The following EGFLAM variants were observed in gnomAD, a reference collection of about 807,000 sequenced individuals.
The protein encoded by EGFLAM is EGF like, fibronectin type III and laminin G domains, also known as pikachurin.
A neutral mutation model predicts 113.1 loss-of-function variants in EGFLAM; 79 were observed. The ratio of observed to expected loss-of-function variants is 0.70; its 90% CI spans 0.58 to 0.84. The LOEUF (loss-of-function observed/expected upper bound fraction) is 0.84, where lower values mean the gene tolerates loss of function less well. Ranked by LOEUF, EGFLAM falls within the 40% of genes least tolerant of loss-of-function variation. EGFLAM has a pLI of 0.00. For missense variants in EGFLAM, 1,265 were observed against 1,291.6 expected (o/e 0.98, Z 0.32); for synonymous variants, 504 against 487.6 (o/e 1.03, Z -0.44).
chr5:38,443,615 G>A (rs1742616981), intron 17 of EGFLAM, among the ~76,000 whole-genome samples: 1 of 152,190 alleles, frequency 6.6e-6, no homozygotes, highest in Non-Finnish European at 1.5e-5. Flanking sequence ...GCTGCTCATT[G>A]TGGGAAGTGT....
At chr5:38,446,727 G>A (rs1444941880) in intron 17 of EGFLAM, among the ~76,000 whole-genome samples, 1 of 152,120 alleles carries the variant, frequency 6.6e-6, no homozygotes, top group Non-Finnish European at 1.5e-5. Context: ...TTCGTCCTTT[G>A]CTTTTCTTGT....
At chr5:38,445,629 A>T in intron 17 of EGFLAM, 1 of 1,598,428 alleles carries the variant, frequency 6.3e-7, no homozygotes, top group Non-Finnish European at 8.5e-7. Flanking sequence ...TTTGACAAGG[A>T]CTGTGAAAGG....
At chr5:38,307,574 A>G (rs543461742) in intron 1 of EGFLAM, among the ~76,000 whole-genome samples, 56 of 152,268 alleles carry the variant, frequency 3.7e-4, no homozygotes, top group African/African-American at 1.3e-3. Context: ...TTTATAAATT[A>G]CCCAGTCTCA....
intron 1 of EGFLAM, among the ~76,000 whole-genome samples, chr5:38,313,805 T>G (rs1738518371): frequency 6.6e-6 from 1 of 152,198 alleles, no homozygotes; most frequent in South Asian, 2.1e-4. Flanking sequence ...ATTTTACCTT[T>G]TCTAATAACT....
At position 38,333,916 on chromosome 5, in the gene EGFLAM, G is replaced by GTTTTTTTT. The variant is rs70978880; in HGVS notation, c.98-3587_98-3580dup. ...TGTCTGTTTATTTTTATTGTTGAGGGTTTTTTTTTTTTTTTTTTTTTTTTG... is the reference window on the plus strand; with the variant it reads ...TGTCTGTTTATTTTTATTGTTGAGGGTTTTTTTTTTTTTTTTTTTTTTTTTTTTTTTTG... On this transcript the variant is annotated intron_variant, in intron 1 of 21. Coordinates refer to ENST00000322350, the MANE Select transcript of EGFLAM (RefSeq NM_152403.4). Among the ~76,000 whole-genome samples the GTTTTTTTT allele has an allele frequency of 1.3e-3, 39 of 29,308 alleles. 2 individuals carry two copies. Among genetic ancestry groups the GTTTTTTTT allele is most frequent in the African/African-American group, 2.4e-3 (15 of 6,256 alleles). The allele number at this position is 29,308 out of a possible 152,430, so 19.2% of individuals were successfully genotyped here. A position where few individuals can be genotyped will look rare whatever the true frequency, so the allele number is the denominator to read the frequency against.
At position 38,349,952 on chromosome 5, in the gene EGFLAM, T is replaced by TACACAC. The variant is rs60439871; in HGVS notation, c.292-519_292-514dup. Among the ~76,000 whole-genome samples, 405 of 144,386 alleles carry TACACAC rather than the reference T, an allele frequency of 2.8e-3. 1 individual carries two copies. Among genetic ancestry groups the TACACAC allele is most frequent in the Non-Finnish European group, 3.9e-3 (254 of 65,938 alleles). The allele number at this position is 144,386 out of a possible 152,430, so 94.7% of individuals were successfully genotyped here. Reference sequence around the variant, plus strand: ...CTCAGGGCCGTTTGTGCAGGGGAAGTACACACACACACACACACACACACA... The same window carrying TACACAC: ...CTCAGGGCCGTTTGTGCAGGGGAAGTACACACACACACACACACACACACACACACA... On this transcript the variant is annotated intron_variant, in intron 3 of 21. Coordinates refer to ENST00000322350, the MANE Select transcript of EGFLAM (RefSeq NM_152403.4).
intron 16 of EGFLAM, among the ~76,000 whole-genome samples, chr5:38,436,060 C>G (rs764815557): frequency 6.6e-6 from 1 of 152,080 alleles, no homozygotes; most frequent in Non-Finnish European, 1.5e-5. Flanking sequence ...TTGTGATCTG[C>G]CCACCTTGGC....
rs564847937 is a variant in EGFLAM at position 38,342,488 on chromosome 5, G to A, written c.291+3707G>A. On this transcript the variant is annotated intron_variant, in intron 3 of 21. Coordinates refer to ENST00000322350, the MANE Select transcript of EGFLAM (RefSeq NM_152403.4). ...TAAACCGGGGAGTGGGTTGACAAATGGTTAATCTGATTTAACTGATAAAAT... is the reference window on the plus strand; with the variant it reads ...TAAACCGGGGAGTGGGTTGACAAATAGTTAATCTGATTTAACTGATAAAAT... Among the ~76,000 whole-genome samples, 810 of 152,228 alleles carry A rather than the reference G, an allele frequency of 5.3e-3. 11 individuals are homozygous for A. Among genetic ancestry groups the A allele is most frequent in the African/African-American group, 0.019 (770 of 41,526 alleles).
intron 1 of EGFLAM, among the ~76,000 whole-genome samples, chr5:38,285,008 C>A (rs749931323): frequency 3.9e-5 from 6 of 152,156 alleles, no homozygotes; most frequent in Non-Finnish European, 8.8e-5. Flanking sequence ...TTATCAAGAG[C>A]AACTATTTTC....
At chr5:38,258,975 C>G in intron 1 of EGFLAM, 124 bp downstream of exon 1, 1 of 1,063,304 alleles carries the variant, frequency 9.4e-7, no homozygotes. Flanking sequence ...TAACTCGCTT[C>G]AGCTCTGCCA....
At chr5:38,416,592 C>T (rs1316329369) in intron 11 of EGFLAM, among the ~76,000 whole-genome samples, 1 of 152,114 alleles carries the variant, frequency 6.6e-6, no homozygotes, top group Non-Finnish European at 1.5e-5. Flanking sequence ...TTGCGAAGGG[C>T]ACAGCAAAAT....
rs151197846 is a variant in EGFLAM at position 38,288,436 on chromosome 5, C to T, written c.97+29585C>T. Among the ~76,000 whole-genome samples, 597 of 152,296 alleles carry T rather than the reference C, an allele frequency of 3.9e-3. 3 individuals carry two copies. The highest frequency in any genetic ancestry group is 0.014 in the African/African-American group (569 of 41,562). ...ATAATCTATTATGCATATTATTATT[C>T]TAGCCATCTGATCAAATAGAAGGCC... On this transcript the variant is annotated intron_variant, in intron 1 of 21. Coordinates refer to ENST00000322350, the MANE Select transcript of EGFLAM (RefSeq NM_152403.4).
chr5:38,396,658 C>T (rs1337902115), intron 6 of EGFLAM, among the ~76,000 whole-genome samples: 1 of 152,202 alleles, frequency 6.6e-6, no homozygotes, highest in Non-Finnish European at 1.5e-5. Flanking sequence ...ACACTGCGCA[C>T]CCCACCTCCA....
chr5:38,338,615 C>A, intron 2 of EGFLAM, 83 bp from the exon 3 acceptor site: 2 of 1,299,506 alleles, frequency 1.5e-6, no homozygotes, highest in Non-Finnish European at 2.2e-6. Flanking sequence ...TCAGAGCCTG[C>A]TGCCACTGTG....
intron 18 of EGFLAM, among the ~76,000 whole-genome samples, chr5:38,450,374 A>T (rs1248970443): frequency 6.6e-6 from 1 of 152,138 alleles, no homozygotes; most frequent in Non-Finnish European, 1.5e-5. Context: ...CTTCCTGACG[A>T]GCTCAGGCTC....
At chr5:38,394,000 G>T (rs1337662951) in intron 6 of EGFLAM, among the ~76,000 whole-genome samples, 3 of 152,142 alleles carry the variant, frequency 2.0e-5, no homozygotes, top group African/African-American at 4.8e-5. Flanking sequence ...AGATGGGAAG[G>T]TGATCTTTCC....
chr5:38,329,306 TAAATAAATAAATA>T (rs1441783562), intron 1 of EGFLAM, among the ~76,000 whole-genome samples: 1 of 110,208 alleles, frequency 9.1e-6, no homozygotes, highest in African/African-American at 4.3e-5. Flanking sequence ...AATAAATAAA[TAAATAAATAAATA>T]AATAAATAAA....
chr5:38,414,092 C>G (rs1158345248), intron 11 of EGFLAM, among the ~76,000 whole-genome samples: 1 of 152,136 alleles, frequency 6.6e-6, no homozygotes, highest in Admixed American at 6.5e-5. Context: ...GTTGGGGACC[C>G]CTGATATAAA....
chr5:38,382,371 T>A (rs576566366), intron 6 of EGFLAM, among the ~76,000 whole-genome samples: 1 of 152,362 alleles, frequency 6.6e-6, no homozygotes, highest in Non-Finnish European at 1.5e-5. Context: ...GTGCCACATT[T>A]ATTGAACTAA....
Sources: gnomAD v4.1 joint callset for allele counts (sites outside exome capture counted in the v4.1 genomes callset) on GRCh38, gnomAD v4.1.1 for gene constraint, MANE v1.5 for transcripts, NCBI Gene and HGNC (gene_info 2026-07-23, HGNC 2026-07-21) for gene names.